Variants in TMEM71 observed in about 807,000 individuals in gnomAD.
The protein encoded by TMEM71 is transmembrane protein 71.
TMEM71 carries 44 observed loss-of-function variants against 38.0 expected under a neutral mutation model. The ratio of observed to expected loss-of-function variants is 1.16; its 90% confidence interval spans 0.91 to 1.49. The LOEUF is 1.49. Among genes scored for constraint, TMEM71 ranks in the 40% most tolerant of loss-of-function variants. The probability of loss-of-function intolerance (pLI) is 0.00; values close to 1 mark genes in which losing one functional copy is unlikely to be tolerated. For synonymous variants in TMEM71, 133 were observed against 122.5 expected (o/e 1.09, Z -0.56); for missense variants, 367 against 348.6 (o/e 1.05, Z -0.42).
At chr8:132,729,502 C>T (rs1429007244) in intron 5 of TMEM71, among the ~76,000 whole-genome samples, 1 of 152,166 alleles carries the variant, frequency 6.6e-6, no homozygotes, top group African/African-American at 2.4e-5. Context: ...GAAAGAGTAG[C>T]CAGAGTCCTG....
intron 5 of TMEM71, among the ~76,000 whole-genome samples, chr8:132,734,444 C>G (rs1827634297): frequency 6.6e-6 from 1 of 152,082 alleles, no homozygotes; most frequent in South Asian, 2.1e-4. Flanking sequence ...ATGAGTGCCC[C>G]TTAACTACAA....
chr8:132,720,475 G>A lies in TMEM71; in HGVS notation c.752+1565C>T, dbSNP rs138801644. 7.2e-5 allele frequency among the ~76,000 whole-genome samples: 11 copies of A among 152,242 alleles called. No individual in the cohort carries two copies. The East Asian group carries it at 2.1e-3, about 29-fold the overall frequency. ...TGATTATTATACTAATGCACATCAT[G>A]GTCTTCCAGTTTGGGATATAGAATG... On this transcript the variant is annotated intron_variant, in intron 7 of 9. Coordinates refer to ENST00000677595, the MANE Select transcript of TMEM71 (RefSeq NM_001382403.1).
At chr8:132,708,929 T>C (rs1826134106), downstream of TMEM71, among the ~76,000 whole-genome samples, 2 of 152,162 alleles carry the variant, frequency 1.3e-5, no homozygotes, top group African/African-American at 4.8e-5. Context: ...AGGCTCATTT[T>C]GGACTGACCC....
At chr8:132,724,933 C>G (rs1827054866) in intron 6 of TMEM71, among the ~76,000 whole-genome samples, 1 of 152,192 alleles carries the variant, frequency 6.6e-6, no homozygotes, top group Admixed American at 6.5e-5. Context: ...TTAGCCTAGA[C>G]AGATGTAATC....
chr8:132,756,411 TTATATATATATATATATA>T (rs55767264), intron 3 of TMEM71, among the ~76,000 whole-genome samples: 2 of 115,836 alleles, frequency 1.7e-5, no homozygotes, highest in African/African-American at 4.1e-5. Context: ...AACATATATA[TTATATATATATATATATA>T]TATATATATA....
At chr8:132,775,242 T>A in the TMEM71 span, 8 of 315,334 alleles carry the variant, frequency 2.5e-5, no homozygotes, top group African/African-American at 2.0e-4. Context: ...TAGCGGTCCG[T>A]CAACGACCGC....
Position 132,722,185 on chromosome 8 carries a change from A to G in TMEM71, c.677-70T>C, listed in dbSNP as rs548286433. 36 of 1,263,312 alleles carry G rather than the reference A, an allele frequency of 2.8e-5. No homozygotes were observed. In the African/African-American group the frequency reaches 5.2e-4, roughly 18 times the overall value. 78.3% of individuals were successfully genotyped at this position (1,263,312 alleles called of 1,614,324 possible). A position where few individuals can be genotyped will look rare whatever the true frequency, so the allele number is the denominator to read the frequency against. On this transcript the variant is annotated intron_variant, in intron 6 of 9. Transcript: ENST00000677595. Reference sequence around the variant, plus strand: ...TTCAATCATCTTGGAAGAAAAAATCATCTCAAACTTCCCTTGTACCCACCA... The same window carrying G: ...TTCAATCATCTTGGAAGAAAAAATCGTCTCAAACTTCCCTTGTACCCACCA...
At chr8:132,730,276 T>C (rs1406391853) in intron 5 of TMEM71, among the ~76,000 whole-genome samples, 3 of 152,134 alleles carry the variant, frequency 2.0e-5, no homozygotes, top group Non-Finnish European at 4.4e-5. Context: ...AAATTTATAC[T>C]AACCTGGGAA....
At chr8:132,714,423 T>G (rs772198962) in intron 7 of TMEM71, among the ~76,000 whole-genome samples, 5 of 152,184 alleles carry the variant, frequency 3.3e-5, no homozygotes, top group Non-Finnish European at 7.3e-5. Context: ...TAGAGTAAAC[T>G]GATTTTAATT....
chr8:132,775,391 GC>G, the TMEM71 span: 1 of 378,668 alleles, frequency 2.6e-6, no homozygotes, highest in Non-Finnish European at 4.6e-6. Flanking sequence ...TCGCGTCAGG[GC>G]TGGCCGGCGG....
At chr8:132,741,779 A>C (rs2467963) in intron 5 of TMEM71, among the ~76,000 whole-genome samples, 103,963 of 151,962 alleles carry the variant, frequency 0.68, 36,324 homozygotes, top group South Asian at 0.79. Context: ...CACAGGGAGA[A>C]GGTTAGGCCT....
chr8:132,743,954 C>T (rs1243836956), intron 5 of TMEM71, among the ~76,000 whole-genome samples: 1 of 152,184 alleles, frequency 6.6e-6, no homozygotes, highest in Non-Finnish European at 1.5e-5. Context: ...CACTGATCTC[C>T]ATTGCCAGTT....
intron 7 of TMEM71, 88 bp downstream of exon 7, chr8:132,721,952 T>A: frequency 8.5e-7 from 1 of 1,169,644 alleles, no homozygotes; most frequent in Non-Finnish European, 1.3e-6. Flanking sequence ...ACCTAAAATG[T>A]TTTGTGGAAT....
At chr8:132,717,263 T>C (rs956796166) in intron 7 of TMEM71, among the ~76,000 whole-genome samples, 14 of 152,162 alleles carry the variant, frequency 9.2e-5, no homozygotes, top group Admixed American at 9.2e-4. Flanking sequence ...ATTTAAAACT[T>C]CTGCACATAA....
intron 6 of TMEM71, among the ~76,000 whole-genome samples, chr8:132,727,402 A>C (rs996996576): frequency 6.6e-6 from 1 of 151,580 alleles, no homozygotes; most frequent in Non-Finnish European, 1.5e-5. Context: ...GACTATAGGC[A>C]CCCGCCACCA....
At chr8:132,759,137 T>C (rs949111106) in intron 1 of TMEM71, among the ~76,000 whole-genome samples, 5 of 152,298 alleles carry the variant, frequency 3.3e-5, no homozygotes, top group Non-Finnish European at 7.4e-5. Context: ...TGCATCTCAA[T>C]AACATTTTTC....
the TMEM71 span, among the ~76,000 whole-genome samples, chr8:132,773,231 C>A: frequency 1.3e-5 from 2 of 152,156 alleles, no homozygotes; most frequent in African/African-American, 4.8e-5. Context: ...CTACCCCAAT[C>A]CTGAGACAAT....
chr8:132,750,780 C>G (rs555266577), intron 4 of TMEM71, among the ~76,000 whole-genome samples: 1 of 152,136 alleles, frequency 6.6e-6, no homozygotes, highest in Non-Finnish European at 1.5e-5. Flanking sequence ...CATGCCCGTC[C>G]TTTCTTTCTG....
intron 5 of TMEM71, among the ~76,000 whole-genome samples, chr8:132,728,457 A>G (rs1312836287): frequency 6.6e-6 from 1 of 152,198 alleles, no homozygotes; most frequent in Non-Finnish European, 1.5e-5. Flanking sequence ...ATACCCTCCC[A>G]CCAGATCCCT....
Sources: allele counts gnomAD v4.1 joint callset (sites outside exome capture counted in the v4.1 genomes callset), GRCh38; gene constraint gnomAD v4.1.1; transcripts MANE v1.5; gene names NCBI Gene and HGNC (gene_info 2026-07-23, HGNC 2026-07-21).